FBXO36: variants seen among roughly 807,000 people sequenced by gnomAD.
The protein encoded by FBXO36 is F-box only protein 36.
FBXO36 carries 18 observed loss-of-function variants against 17.0 expected under a neutral mutation model. The observed-to-expected ratio is 1.06, with a 90% CI of 0.73 to 1.57. The LOEUF (loss-of-function observed/expected upper bound fraction) is 1.57, where lower values mean the gene tolerates loss of function less well. Among genes scored for constraint, FBXO36 ranks in the 40% most tolerant of loss-of-function variants. The pLI is 0.00. For synonymous variants in FBXO36, 83 were observed against 85.3 expected (o/e 0.97, Z 0.15); for missense variants, 229 against 221.9 (o/e 1.03, Z -0.20).
chr2:229,960,849 CTG>C (rs2077116965), intron 1 of FBXO36, among the ~76,000 whole-genome samples: 1 of 152,160 alleles, frequency 6.6e-6, no homozygotes, highest in Non-Finnish European at 1.5e-5. Flanking sequence ...TGGCTCATGC[CTG>C]TAATCCCAGC....
At chr2:229,981,919 C>T (rs2077242503) in intron 2 of FBXO36, among the ~76,000 whole-genome samples, 1 of 151,976 alleles carries the variant, frequency 6.6e-6, no homozygotes, top group South Asian at 2.1e-4. Flanking sequence ...CAAGAAGCTT[C>T]CAGTCATGGT....
chr2:229,943,474 T>C (rs930801956), intron 1 of FBXO36, among the ~76,000 whole-genome samples: 1 of 151,880 alleles, frequency 6.6e-6, no homozygotes, highest in African/African-American at 2.4e-5. Context: ...TGAAGCTGAG[T>C]CTTTCCACTA....
At chr2:229,962,262 A>G (rs756636945) in intron 1 of FBXO36, among the ~76,000 whole-genome samples, 2 of 151,786 alleles carry the variant, frequency 1.3e-5, no homozygotes, top group Non-Finnish European at 2.9e-5. Context: ...TGTAGGGTAT[A>G]TTTCTTCCCA....
intron 1 of FBXO36, among the ~76,000 whole-genome samples, chr2:229,967,084 G>A (rs1420266344): frequency 6.6e-6 from 1 of 152,074 alleles, no homozygotes; most frequent in African/African-American, 2.4e-5. Flanking sequence ...CCTTGAAGAG[G>A]TCCTTCACAT....
chr2:229,992,709 A>G (rs1198616346), intron 2 of FBXO36, among the ~76,000 whole-genome samples: 2 of 152,240 alleles, frequency 1.3e-5, no homozygotes, highest in East Asian at 3.8e-4. Context: ...ACTTAAAACT[A>G]TAATAATTGT....
chr2:229,985,493 C>G (rs954958424), intron 2 of FBXO36, among the ~76,000 whole-genome samples: 3 of 152,126 alleles, frequency 2.0e-5, no homozygotes, highest in African/African-American at 7.2e-5. Context: ...CAACACTCCT[C>G]CCCTCCTTGC....
At chr2:229,939,669 C>A (rs187541286) in intron 1 of FBXO36, among the ~76,000 whole-genome samples, 198 of 152,246 alleles carry the variant, frequency 1.3e-3, no homozygotes, top group Non-Finnish European at 2.3e-3. Context: ...CACATTAATA[C>A]CCTTTAAAGC....
At chr2:229,933,075 A>G (rs2076947427) in intron 1 of FBXO36, among the ~76,000 whole-genome samples, 1 of 152,138 alleles carries the variant, frequency 6.6e-6, no homozygotes, top group South Asian at 2.1e-4. Flanking sequence ...CGTCTCAAAA[A>G]AAGAAAAAAA....
intron 3 of FBXO36, 106 bp downstream of exon 3, chr2:229,997,029 T>C: frequency 3.1e-6 from 3 of 965,910 alleles, no homozygotes; most frequent in Non-Finnish European, 4.7e-6. Flanking sequence ...TGATGGACAC[T>C]GTCTTAGGTG....
At chr2:229,997,058 A>T in intron 3 of FBXO36, 135 bp downstream of exon 3, 1 of 763,254 alleles carries the variant, frequency 1.3e-6, no homozygotes, top group Non-Finnish European at 2.1e-6. Context: ...GCAGAGATGA[A>T]ATGACATTCC....
intron 1 of FBXO36, among the ~76,000 whole-genome samples, chr2:229,929,148 G>A (rs1365618135): frequency 6.6e-6 from 1 of 150,796 alleles, no homozygotes; most frequent in African/African-American, 2.4e-5. Context: ...TTGCCAGACT[G>A]GTCTCAAACT....
chr2:229,930,830 C>G (rs937072240), intron 1 of FBXO36, among the ~76,000 whole-genome samples: 4 of 152,174 alleles, frequency 2.6e-5, no homozygotes, highest in African/African-American at 9.7e-5. Flanking sequence ...TGCTGGAGCC[C>G]TCCTCGAGGT....
chr2:229,923,847 GTTTTTTTT>G (rs71045800), intron 1 of FBXO36, among the ~76,000 whole-genome samples: 8 of 77,710 alleles, frequency 1.0e-4, no homozygotes, highest in Non-Finnish European at 4.6e-5. Flanking sequence ...TTTTGGTGTT[GTTTTTTTT>G]TTTTTTTTTT....
intron 1 of FBXO36, among the ~76,000 whole-genome samples, chr2:229,939,803 C>T (rs779549667): frequency 4.6e-5 from 7 of 152,164 alleles, no homozygotes; most frequent in Non-Finnish European, 7.4e-5. Context: ...TAAGAACCGC[C>T]GGGCGCCGTG....
chr2:229,942,575 A>G (rs1426693866), intron 1 of FBXO36, among the ~76,000 whole-genome samples: 3 of 152,152 alleles, frequency 2.0e-5, no homozygotes, highest in Non-Finnish European at 2.9e-5. Flanking sequence ...CTCCAGGACC[A>G]TCAGGTGGGA....
chr2:229,962,741 G>A (rs532077179), intron 1 of FBXO36, among the ~76,000 whole-genome samples: 96 of 151,634 alleles, frequency 6.3e-4, no homozygotes, highest in African/African-American at 2.1e-3. Flanking sequence ...GCAGTGGTGC[G>A]ATCTCGGCTC....
At chr2:229,972,002 T>C (rs200503889) in intron 1 of FBXO36, among the ~76,000 whole-genome samples, 2 of 148,602 alleles carry the variant, frequency 1.3e-5, no homozygotes, top group East Asian at 3.9e-4. Flanking sequence ...TTTTTTTTTT[T>C]TTTTTTTTTT....
At chr2:230,000,350 T>A (rs2077351428) in intron 3 of FBXO36, among the ~76,000 whole-genome samples, 1 of 99,074 alleles carries the variant, frequency 1.0e-5, no homozygotes, top group African/African-American at 4.3e-5. Flanking sequence ...AGAGTGAGAC[T>A]GTCTCAAAAA....
intron 1 of FBXO36, among the ~76,000 whole-genome samples, chr2:229,946,492 T>C (rs1319241759): frequency 6.6e-6 from 1 of 152,208 alleles, no homozygotes; most frequent in Non-Finnish European, 1.5e-5. Context: ...ATAAGCCAAA[T>C]TTTTGTGTCT....
Sources: allele counts gnomAD v4.1 joint callset (sites outside exome capture counted in the v4.1 genomes callset), GRCh38; gene constraint gnomAD v4.1.1; transcripts MANE v1.5; gene names NCBI Gene and HGNC (gene_info 2026-07-23, HGNC 2026-07-21).